The following ACYP2 variants were observed in gnomAD, a reference collection of about 807,000 sequenced individuals.
The protein encoded by ACYP2 is acylphosphatase 2, also known as acylphosphatase-2.
A neutral mutation model predicts 11.2 loss-of-function variants in ACYP2; 12 were observed. The ratio of observed to expected loss-of-function variants is 1.08; its 90% CI spans 0.69 to 1.74. ACYP2 has a LOEUF of 1.74. Ranked by LOEUF, ACYP2 falls within the 40% of genes most tolerant of loss-of-function variation. The pLI is 0.00. For missense variants in ACYP2, 134 were observed against 101.9 expected (o/e 1.31, Z -1.35); for synonymous variants, 43 against 32.2 (o/e 1.33, Z -1.13).
chr2:54,206,243 T>C (rs564702094), intron 6 of ACYP2, among the ~76,000 whole-genome samples: 6 of 152,350 alleles, frequency 3.9e-5, no homozygotes, highest in Admixed American at 6.5e-5. Context: ...AGTATATCGT[T>C]GTAATTTATT....
At chr2:54,264,881 T>C (rs1009534346) in intron 6 of ACYP2, among the ~76,000 whole-genome samples, 5 of 152,332 alleles carry the variant, frequency 3.3e-5, no homozygotes, top group African/African-American at 9.6e-5. Flanking sequence ...CATTAAAGTA[T>C]AGAAAACAGC....
intron 6 of ACYP2, among the ~76,000 whole-genome samples, chr2:54,151,260 A>G (rs1239837562): frequency 6.6e-6 from 1 of 152,200 alleles, no homozygotes; most frequent in Non-Finnish European, 1.5e-5. Flanking sequence ...TGACAATGGT[A>G]AATTGAAATG....
intron 6 of ACYP2, among the ~76,000 whole-genome samples, chr2:54,267,995 C>CACTT (rs1199261490): frequency 6.6e-6 from 1 of 152,180 alleles, no homozygotes; most frequent in Non-Finnish European, 1.5e-5. Context: ...GCTCATACTA[C>CACTT]ACTTACCAAT....
intron 6 of ACYP2, among the ~76,000 whole-genome samples, chr2:54,156,890 A>ACTCCTGAC (rs1330473138): frequency 3.3e-5 from 5 of 150,898 alleles, no homozygotes; most frequent in African/African-American, 1.2e-4. Flanking sequence ...CTGGTCTTGA[A>ACTCCTGAC]CTCCTGACCT....
At chr2:54,244,015 C>T (rs1013561542) in intron 6 of ACYP2, among the ~76,000 whole-genome samples, 69 of 151,618 alleles carry the variant, frequency 4.6e-4, no homozygotes, top group Non-Finnish European at 2.6e-4. Context: ...AGATAGTTTC[C>T]TTTGTTTTCT....
At chr2:54,019,048 T>TA (rs1284701529) in intron 2 of ACYP2, among the ~76,000 whole-genome samples, 2 of 149,542 alleles carry the variant, frequency 1.3e-5, no homozygotes, top group African/African-American at 5.0e-5. Flanking sequence ...CTTGGCCTAT[T>TA]TTTTTATTAT....
At chr2:54,181,900 T>C (rs1268939760) in intron 6 of ACYP2, among the ~76,000 whole-genome samples, 1 of 152,066 alleles carries the variant, frequency 6.6e-6, no homozygotes, top group African/African-American at 2.4e-5. Flanking sequence ...AAATAAACAT[T>C]TAAAAAGGTT....
intron 4 of ACYP2, among the ~76,000 whole-genome samples, chr2:54,121,269 G>A (rs1680140611): frequency 6.6e-6 from 1 of 152,104 alleles, no homozygotes; most frequent in South Asian, 2.1e-4. Context: ...CTGAGTCTGG[G>A]GTTTTTATGG....
At chr2:54,254,548 T>A (rs186263570) in intron 6 of ACYP2, 14 of 206,108 alleles carry the variant, frequency 6.8e-5, no homozygotes, top group African/African-American at 2.6e-4. Flanking sequence ...CAGGGTGAGC[T>A]GAATAGGTTC....
intron 4 of ACYP2, among the ~76,000 whole-genome samples, chr2:54,096,650 G>A (rs993838969): frequency 6.6e-6 from 1 of 152,164 alleles, no homozygotes; most frequent in East Asian, 1.9e-4. Context: ...GGCCAACACA[G>A]CGAAACCCCG....
chr2:53,977,960 C>G (rs780425713), intron 2 of ACYP2, among the ~76,000 whole-genome samples: 2 of 151,866 alleles, frequency 1.3e-5, no homozygotes, highest in Non-Finnish European at 2.9e-5. Context: ...AGCTGGAAAA[C>G]CATTAAGAAA....
intron 6 of ACYP2, among the ~76,000 whole-genome samples, chr2:54,186,660 C>T (rs1447743613): frequency 1.3e-5 from 2 of 151,770 alleles, no homozygotes; most frequent in Non-Finnish European, 2.9e-5. Context: ...ATTACAGGTG[C>T]CCGTCACCAT....
chr2:54,154,536 A>G (rs370361239), intron 6 of ACYP2, among the ~76,000 whole-genome samples: 2 of 152,192 alleles, frequency 1.3e-5, no homozygotes, highest in African/African-American at 4.8e-5. Flanking sequence ...GTGATCATAT[A>G]GTATTTGTCC....
chr2:54,068,758 A>G (rs1451724119), intron 4 of ACYP2, among the ~76,000 whole-genome samples: 1 of 152,156 alleles, frequency 6.6e-6, no homozygotes, highest in Non-Finnish European at 1.5e-5. Context: ...GAATGAGAAT[A>G]TAATCTTACA....
Position 54,202,706 on chromosome 2 carries a change from CTTTTTTTTTTTTTTTTTTTTTTTTT to C in ACYP2, c.404+63975_404+63999del, listed in dbSNP as rs70944152. Among the ~76,000 whole-genome samples the C allele has an allele frequency of 1.7e-3, 75 of 43,082 alleles. 3 individuals are homozygous for C. In the East Asian group the frequency reaches 0.019, roughly 11 times the overall value. 28.3% of individuals were successfully genotyped at this position (43,082 alleles called of 152,430 possible). ...TACAGGTGTGAGCCACGGCGCCTGG[CTTTTTTTTTTTTTTTTTTTTTTTTT>C]TTTTTTTTTTTTTTTTGAGATGAGT... On this transcript the variant is annotated intron_variant, in intron 6 of 6. Coordinates refer to ENST00000607452, the MANE Select transcript of ACYP2 (RefSeq NM_001320586.2).
At chr2:54,210,991 C>G (rs1487912442) in intron 6 of ACYP2, among the ~76,000 whole-genome samples, 5 of 152,206 alleles carry the variant, frequency 3.3e-5, no homozygotes, top group African/African-American at 1.2e-4. Flanking sequence ...TCTTTCACCT[C>G]TCTGCTTATT....
intron 2 of ACYP2, among the ~76,000 whole-genome samples, chr2:54,043,815 C>G (rs892299882): frequency 2.6e-5 from 4 of 152,090 alleles, no homozygotes; most frequent in African/African-American, 9.7e-5. Context: ...ATACATCAAC[C>G]CCTGCAGTCC....
chr2:53,991,682 G>C (rs941544055), intron 2 of ACYP2, among the ~76,000 whole-genome samples: 1 of 152,172 alleles, frequency 6.6e-6, no homozygotes, highest in Non-Finnish European at 1.5e-5. Context: ...TGGGGTTACA[G>C]GTGTGAGCCA....
rs1682181687 is a variant in ACYP2, at chr2:54,151,778, T to A, written c.404+13030T>A. Among the ~76,000 whole-genome samples the A allele has an allele frequency of 2.6e-5, 4 of 152,352 alleles. No individual in the cohort carries two copies. In the South Asian group the frequency reaches 8.3e-4, roughly 32 times the overall value. ...TTTACTTTAAAGTTCATATTTTATA[T>A]ATGTGCATTTAGTAAGGTAATCATA... is the stretch of plus-strand genomic sequence containing the variant. On this transcript the variant is annotated intron_variant, in intron 6 of 6. Coordinates refer to ENST00000607452, the MANE Select transcript of ACYP2 (RefSeq NM_001320586.2).
Sources: gnomAD v4.1 joint callset for allele counts (sites outside exome capture counted in the v4.1 genomes callset) on GRCh38, gnomAD v4.1.1 for gene constraint, MANE v1.5 for transcripts, NCBI Gene and HGNC (gene_info 2026-07-23, HGNC 2026-07-21) for gene names.